Variants in GNB2 observed in about 807,000 individuals in gnomAD.
The protein encoded by GNB2 is guanine nucleotide-binding protein G(I)/G(S)/G(T) subunit beta-2.
In GNB2, 7 loss-of-function variants were observed where a neutral mutation model predicts 40.7. The observed-to-expected ratio is 0.17, with a 90% CI of 0.10 to 0.32. The LOEUF is 0.32. Ranked by LOEUF, GNB2 falls within the 10% of genes least tolerant of loss-of-function variation. The pLI is 1.00. For missense variants in GNB2, 286 were observed against 473.0 expected (o/e 0.60, Z 3.67); for synonymous variants, 254 against 191.2 (o/e 1.33, Z -2.71).
chr7:100,674,649 C>T (rs2131348604), intron 1 of GNB2, among the ~76,000 whole-genome samples: 1 of 152,354 alleles, frequency 6.6e-6, no homozygotes, highest in South Asian at 2.1e-4. Flanking sequence ...CTCCTGAGCC[C>T]CGCCAGACCT....
At chr7:100,676,451 C>T in intron 2 of GNB2, 84 bp from the exon 3 acceptor site, 2 of 1,326,986 alleles carry the variant, frequency 1.5e-6, no homozygotes, top group Admixed American at 1.7e-5. Context: ...TGACCCTGTC[C>T]ACTCCTGTCT....
In GNB2 at chr7:100,678,786, C is replaced by A; in HGVS notation, c.1008C>A (p.Leu336=). ...CCACGGGCTCCTGGGACTCCTTCCTCAAGATCTGGAACTAATGGCCCCACC... is the reference window on the plus strand; with the variant it reads ...CCACGGGCTCCTGGGACTCCTTCCTAAAGATCTGGAACTAATGGCCCCACC... ...AVATGSWDSF[L]KIWN Residue 336 remains leucine (L), a synonymous_variant, in exon 10 of 10, where the codon CTC becomes CTA. Coordinates refer to ENST00000303210, the MANE Select transcript of GNB2 (RefSeq NM_005273.4). 1.2e-6 allele frequency: 2 copies of A among 1,612,324 alleles called. No individual in the cohort carries two copies. The highest frequency in any genetic ancestry group is 1.7e-6 in the Non-Finnish European group (2 of 1,178,814).
rs1252911195 is a variant in GNB2 at position 100,678,507 on chromosome 7, T to A, written c.809T>A (p.Ile270Asn). Reference sequence around the variant, plus strand: ...CTCATGTACTCCCATGACAACATCATCTGTGGCATCACCTCTGTTGCCTTC... The same window carrying A: ...CTCATGTACTCCCATGACAACATCAACTGTGGCATCACCTCTGTTGCCTTC... ...ELLMYSHDNIICGITSVAFSR... is the reference protein window; with the variant it reads ...ELLMYSHDNINCGITSVAFSR... Residue 270 changes from isoleucine (I) to asparagine (N), a missense_variant, in exon 9 of 10, where the codon ATC (isoleucine) becomes AAC (asparagine). Ile to Asn is a moderately radical substitution (Grantham distance 149, BLOSUM62 -3). Coordinates refer to ENST00000303210, the MANE Select transcript of GNB2 (RefSeq NM_005273.4). 6.2e-7 allele frequency: 1 copy of A among 1,613,700 alleles called. No homozygotes were observed.
intron 4 of GNB2, chr7:100,677,043 A>G (rs1804365518): frequency 5.1e-6 from 3 of 592,862 alleles, no homozygotes; most frequent in East Asian, 5.6e-5. Context: ...TGGGGAGGCC[A>G]GGGCAGGATC....
In GNB2 at chr7:100,673,815, G is replaced by GCGC. The variant is rs374292503; in HGVS notation, c.-163_-161dup. On this transcript the variant is annotated 5_prime_UTR_variant, in exon 1 of 10. Transcript: ENST00000303210. ...CTGGGGCCACTGAGGAAATCCATCC[G>GCGC]CGCCGCCGCCGCCGCCGCCGCCGCC... 8.5e-3 allele frequency: 1,518 copies of GCGC among 178,292 alleles called. 22 individuals carry two copies. The highest frequency in any genetic ancestry group is 0.03 in the South Asian group (184 of 6,062). 11.0% of individuals were successfully genotyped at this position (178,292 alleles called of 1,614,324 possible).
Position 100,677,484 on chromosome 7 carries a change from C to T in GNB2, c.268-14C>T, listed in dbSNP as rs371678550. On this transcript the variant is annotated splice_polypyrimidine_tract_variant and intron_variant, in intron 5 of 9. Transcript: ENST00000303210. ...CTGGCTGGCTCTGACCCCGGCGCTT[C>T]CCCTGCTCCGCAGGTCCACGCCATC... The T allele has an allele frequency of 1.2e-5, 19 of 1,613,006 alleles. No homozygotes were observed. In the African/African-American group the frequency reaches 1.3e-4, roughly 11 times the overall value.
In GNB2 at chr7:100,678,726, C is replaced by T; in HGVS notation, c.948C>T (p.Ser316=). 6.2e-7 allele frequency: 1 copy of T among 1,613,724 alleles called. No individual in the cohort carries two copies. The highest frequency in any genetic ancestry group is 8.5e-7 in the Non-Finnish European group (1 of 1,179,956). Residue 316 remains serine (S), a synonymous_variant, in exon 10 of 10, where the codon AGC becomes AGT. Transcript: ENST00000303210. The part of the protein sequence containing the change: ...GVLAGHDNRV[S]CLGVTDDGMA... ...TCGCTGGCCACGACAACCGCGTGAG[C>T]TGCCTCGGGGTCACCGACGATGGCA...
Position 100,677,671 on chromosome 7 carries a change from T to C in GNB2, c.430+11T>C, listed in dbSNP as rs1235563527. The C allele has an allele frequency of 1.9e-6, 3 of 1,613,112 alleles. No homozygotes were observed. Among genetic ancestry groups the C allele is most frequent in the African/African-American group, 2.7e-5 (2 of 74,946 alleles). ...TGCCTGGCCACACTGGTGAGGGGCCTGGCCCAGTTCGGGCCCTTTTTGGGG... is the reference window on the plus strand; with the variant it reads ...TGCCTGGCCACACTGGTGAGGGGCCCGGCCCAGTTCGGGCCCTTTTTGGGG... On this transcript the variant is annotated intron_variant, in intron 6 of 9. Coordinates refer to ENST00000303210, the MANE Select transcript of GNB2 (RefSeq NM_005273.4).
At position 100,678,992 on chromosome 7, in the gene GNB2, G is replaced by T. The variant is rs1804434179; in HGVS notation, c.*191G>T. 5.2e-6 allele frequency: 3 copies of T among 580,250 alleles called. No homozygotes were observed. The East Asian group carries it at 8.4e-5, about 16-fold the overall frequency. 35.9% of individuals were successfully genotyped at this position (580,250 alleles called of 1,614,324 possible). A position where few individuals can be genotyped will look rare whatever the true frequency, so the allele number is the denominator to read the frequency against. On this transcript the variant is annotated 3_prime_UTR_variant, in exon 10 of 10. Coordinates refer to ENST00000303210, the MANE Select transcript of GNB2 (RefSeq NM_005273.4). ...GAGATAAGAAGGGGATGGAATGGGG[G>T]AAGAGGAGGAGCAGGAGGCCCTCAT...
At chr7:100,676,399 G>A in intron 2 of GNB2, 77 bp downstream of exon 2, 2 of 1,352,490 alleles carry the variant, frequency 1.5e-6, no homozygotes, top group Non-Finnish European at 2.1e-6. Context: ...GAGGGTGTTG[G>A]TGGGGGAAGG....
Position 100,676,728 on chromosome 7 carries a change from G to C in GNB2, c.132G>C (p.Gln44His). The change falls in exon 4 of 10, where the codon CAG becomes CAC. Residue 44 changes from glutamine (Q) to histidine (H), a missense_variant. By Grantham distance (24) the Gln-to-His change is conservative. Coordinates refer to ENST00000303210, the MANE Select transcript of GNB2 (RefSeq NM_005273.4). ...GGCTGGACCCAGTGGGGAGAATCCA[G>C]ATGAGGACCCGGAGGACCCTCCGTG... ...TAGLDPVGRI[Q>H]MRTRRTLRGH... 1 of 1,611,638 alleles carries C rather than the reference G, an allele frequency of 6.2e-7. No homozygotes were observed. Among genetic ancestry groups the C allele is most frequent in the Non-Finnish European group, 8.5e-7 (1 of 1,178,908 alleles).
At position 100,679,006 on chromosome 7, in the gene GNB2, G is replaced by C; in HGVS notation, c.*205G>C. 3 of 569,576 alleles carry C rather than the reference G, an allele frequency of 5.3e-6. No individual in the cohort carries two copies. Among genetic ancestry groups the C allele is most frequent in the South Asian group, 4.6e-5 (2 of 43,700 alleles). 35.3% of individuals were successfully genotyped at this position (569,576 alleles called of 1,614,324 possible). A position where few individuals can be genotyped will look rare whatever the true frequency, so the allele number is the denominator to read the frequency against. ...ATGGAATGGGGGAAGAGGAGGAGCA[G>C]GAGGCCCTCATCCTTCTGCTGCCCT... On this transcript the variant is annotated 3_prime_UTR_variant, in exon 10 of 10. Transcript: ENST00000303210.
At chr7:100,677,863 C>A (rs371062889) in intron 7 of GNB2, 45 bp downstream of exon 7, 1 of 1,536,320 alleles carries the variant, frequency 6.5e-7, no homozygotes, top group Non-Finnish European at 9.0e-7. Flanking sequence ...ACCCACACTT[C>A]CTGCCTCAGG....
Position 100,679,019 on chromosome 7 carries a change from C to T in GNB2, c.*218C>T. The T allele has an allele frequency of 1.8e-6, 1 of 552,578 alleles. No individual in the cohort carries two copies. The highest frequency in any genetic ancestry group is 3.2e-6 in the Non-Finnish European group (1 of 309,276). 34.2% of individuals were successfully genotyped at this position (552,578 alleles called of 1,614,324 possible). ...AGAGGAGGAGCAGGAGGCCCTCATC[C>T]TTCTGCTGCCCTGGGGTTGGGGCCT... On this transcript the variant is annotated 3_prime_UTR_variant, in exon 10 of 10. Coordinates refer to ENST00000303210, the MANE Select transcript of GNB2 (RefSeq NM_005273.4).
chr7:100,677,971 TA>T, intron 7 of GNB2, 126 bp from the exon 8 acceptor site: 2 of 1,013,184 alleles, frequency 2.0e-6, no homozygotes, highest in Non-Finnish European at 3.0e-6. Flanking sequence ...CCTCCCCACC[TA>T]AGGCTCTGAG....
Position 100,678,188 on chromosome 7 carries a change from C to T in GNB2, c.588C>T (p.Gly196=). The change falls in exon 8 of 10, where the codon GGC becomes GGT. Residue 196 remains glycine (G), a synonymous_variant. Coordinates refer to ENST00000303210, the MANE Select transcript of GNB2 (RefSeq NM_005273.4). ...TGTCCCTGTCCCTGGCCCCCGATGG[C>T]CGCACGTTTGTGTCAGGCGCCTGTG... ...DVMSLSLAPD[G]RTFVSGACDA... is the part of the protein sequence containing the mutation. The T allele has an allele frequency of 1.2e-6, 2 of 1,613,844 alleles. No homozygotes were observed. Among genetic ancestry groups the T allele is most frequent in the Non-Finnish European group, 1.7e-6 (2 of 1,179,728 alleles).
rs113752443 is a variant in GNB2 at position 100,676,598 on chromosome 7, G to A, written c.96+25G>A. On this transcript the variant is annotated intron_variant, in intron 3 of 9. Coordinates refer to ENST00000303210, the MANE Select transcript of GNB2 (RefSeq NM_005273.4). Reference sequence around the variant, plus strand: ...GGTGAGGGCACTTGGTGGCCAGAGCGTAACTAGGGGTTGAAGGGGCAAGGA... The same window carrying A: ...GGTGAGGGCACTTGGTGGCCAGAGCATAACTAGGGGTTGAAGGGGCAAGGA... 6.7e-4 allele frequency: 1,077 copies of A among 1,597,274 alleles called. 8 individuals carry two copies. In the African/African-American group the frequency reaches 0.011, roughly 17 times the overall value.
chr7:100,676,493 C>G, intron 2 of GNB2, 42 bp from the exon 3 acceptor site: 1 of 1,555,950 alleles, frequency 6.4e-7, no homozygotes, highest in Non-Finnish European at 8.9e-7. Context: ...CCTCCCCAAC[C>G]TGTCTTCTCT....
intron 7 of GNB2, 113 bp from the exon 8 acceptor site, chr7:100,677,983 AAG>A: frequency 9.5e-7 from 1 of 1,047,782 alleles, no homozygotes. Flanking sequence ...AGGCTCTGAG[AAG>A]AGCCTCCCTG....
Sources: allele counts gnomAD v4.1 joint callset (sites outside exome capture counted in the v4.1 genomes callset), GRCh38; gene constraint gnomAD v4.1.1; transcripts MANE v1.5; gene names NCBI Gene and HGNC (gene_info 2026-07-23, HGNC 2026-07-21).